Variants in SHC3 observed in about 807,000 individuals in gnomAD.
SHC3 encodes the protein SHC-transforming protein 3.
In SHC3, 15 loss-of-function variants were observed where a neutral mutation model predicts 60.4. That is an observed-to-expected ratio of 0.25 (90% confidence interval 0.17 to 0.38). The LOEUF (loss-of-function observed/expected upper bound fraction) is 0.38, where lower values mean the gene tolerates loss of function less well. Among genes scored for constraint, SHC3 ranks in the 10% least tolerant of loss-of-function variants. The pLI, the probability that SHC3 is intolerant of heterozygous loss-of-function variation, is 1.00. For missense variants in SHC3, 677 were observed against 786.1 expected (o/e 0.86, Z 1.66); for synonymous variants, 294 against 325.9 (o/e 0.90, Z 1.05).
intron 2 of SHC3, chr9:89,110,407 A>G (rs4260958): frequency 0.07 from 69,205 of 984,416 alleles, 2,681 homozygotes; most frequent in Admixed American, 0.11. Context: ...TTCCCTATAA[A>G]CTTCCAAGAA....
chr9:89,172,941 G>T (rs1826891240), intron 1 of SHC3, among the ~76,000 whole-genome samples: 1 of 152,196 alleles, frequency 6.6e-6, no homozygotes, highest in African/African-American at 2.4e-5. Flanking sequence ...TCCAGCAGGT[G>T]TCCATCAGGT....
intron 1 of SHC3, among the ~76,000 whole-genome samples, chr9:89,120,880 T>A (rs951902851): frequency 1.3e-4 from 19 of 151,422 alleles, no homozygotes; most frequent in African/African-American, 4.6e-4. Flanking sequence ...ACATAAAATT[T>A]ATTTAAAACT....
Position 89,052,130 on chromosome 9 carries a change from G to A in SHC3, c.869C>T (p.Ala290Val). Reference sequence around the variant, plus strand: ...TCCGATGGAGCCGATGACATCCTGGGCCAGCCCATCACAGCATTCCAAAAT... The same window carrying A: ...TCCGATGGAGCCGATGACATCCTGGACCAGCCCATCACAGCATTCCAAAAT... ...CHILECCDGL[A>V]QDVIGSIGQA... The change falls in exon 7 of 12, where the codon GCC becomes GTC. Residue 290 changes from alanine (A) to valine (V), a missense_variant. Physicochemically the swap from Ala to Val is moderately conservative, Grantham distance 64. Coordinates refer to ENST00000375835, the MANE Select transcript of SHC3 (RefSeq NM_016848.6). 6.2e-7 allele frequency: 1 copy of A among 1,614,048 alleles called. No homozygotes were observed. Among genetic ancestry groups the A allele is most frequent in the Non-Finnish European group, 8.5e-7 (1 of 1,179,940 alleles).
intron 1 of SHC3, among the ~76,000 whole-genome samples, chr9:89,118,089 T>A (rs991429664): frequency 1.3e-5 from 2 of 152,184 alleles, no homozygotes; most frequent in African/African-American, 4.8e-5. Context: ...CAAAAATGAT[T>A]TAGATTCTGA....
At chr9:89,104,216 G>C (rs1022839048) in intron 2 of SHC3, among the ~76,000 whole-genome samples, 1 of 152,028 alleles carries the variant, frequency 6.6e-6, no homozygotes, top group Non-Finnish European at 1.5e-5. Flanking sequence ...TGGTTTCATA[G>C]ATGGTAGCTG....
intron 1 of SHC3, among the ~76,000 whole-genome samples, chr9:89,152,907 T>C (rs756715666): frequency 2.0e-5 from 3 of 152,210 alleles, no homozygotes; most frequent in Non-Finnish European, 2.9e-5. Context: ...ATTATTAGTA[T>C]TGTTTAATTT....
chr9:89,037,911 A>T (rs1354915191), intron 11 of SHC3, 82 bp downstream of exon 11: 21 of 1,515,362 alleles, frequency 1.4e-5, no homozygotes, highest in Non-Finnish European at 3.5e-6. Flanking sequence ...GGGAATGTGG[A>T]GGGCATTTGA....
intron 6 of SHC3, among the ~76,000 whole-genome samples, chr9:89,060,999 TC>T (rs1825080399): frequency 6.6e-6 from 1 of 152,100 alleles, no homozygotes; most frequent in African/African-American, 2.4e-5. Context: ...CCTGTGAGAC[TC>T]CCAAGTGGAG....
chr9:89,176,708 T>A (rs1188250228), intron 1 of SHC3, among the ~76,000 whole-genome samples: 1 of 152,206 alleles, frequency 6.6e-6, no homozygotes, highest in African/African-American at 2.4e-5. Context: ...TCTATACCCC[T>A]TTGGTAAAAT....
chr9:89,177,650 G>C (rs1826961352), intron 1 of SHC3, among the ~76,000 whole-genome samples: 4 of 152,328 alleles, frequency 2.6e-5, no homozygotes, highest in Admixed American at 2.0e-4. Flanking sequence ...AGGCAGGCCG[G>C]ACCCCCGCTG....
chr9:89,055,836 G>T (rs1448643965), intron 6 of SHC3, among the ~76,000 whole-genome samples: 1 of 152,182 alleles, frequency 6.6e-6, no homozygotes, highest in African/African-American at 2.4e-5. Context: ...CTACCACAAA[G>T]AACTTTCCAA....
chr9:89,048,445 T>A (rs1824809078), intron 7 of SHC3, among the ~76,000 whole-genome samples: 1 of 152,172 alleles, frequency 6.6e-6, no homozygotes, highest in Admixed American at 6.5e-5. Flanking sequence ...TCCATTTATA[T>A]GAAATGTCCA....
At chr9:89,063,360 C>T (rs1825123660) in intron 6 of SHC3, among the ~76,000 whole-genome samples, 1 of 152,204 alleles carries the variant, frequency 6.6e-6, no homozygotes, top group Non-Finnish European at 1.5e-5. Flanking sequence ...GGTCTTCTGA[C>T]CTCATGATCT....
chr9:89,081,388 G>A (rs937497363), intron 2 of SHC3, among the ~76,000 whole-genome samples: 2 of 152,104 alleles, frequency 1.3e-5, no homozygotes, highest in African/African-American at 2.4e-5. Context: ...TATTTTCATA[G>A]CCAAATATTG....
intron 1 of SHC3, among the ~76,000 whole-genome samples, chr9:89,167,217 T>C (rs1053138939): frequency 6.6e-6 from 1 of 152,326 alleles, no homozygotes; most frequent in Non-Finnish European, 1.5e-5. Flanking sequence ...TCTTATTTTC[T>C]CCTCTCACCT....
At chr9:89,147,146 T>C (rs1217617052) in intron 1 of SHC3, among the ~76,000 whole-genome samples, 1 of 141,988 alleles carries the variant, frequency 7.0e-6, no homozygotes, top group African/African-American at 2.7e-5. Flanking sequence ...TGCAACAGCC[T>C]TTCTGTAACT....
chr9:89,134,035 G>A (rs774243368), intron 1 of SHC3, among the ~76,000 whole-genome samples: 19 of 152,236 alleles, frequency 1.2e-4, no homozygotes, highest in Middle Eastern at 6.8e-3. Context: ...TCTGTCTGGT[G>A]TCCTAGGCTC....
At chr9:89,113,572 C>A (rs1323622680) in intron 1 of SHC3, among the ~76,000 whole-genome samples, 2 of 152,150 alleles carry the variant, frequency 1.3e-5, no homozygotes, top group African/African-American at 2.4e-5. Context: ...CTTCTTATAA[C>A]TTTAAATTTA....
intron 1 of SHC3, among the ~76,000 whole-genome samples, chr9:89,153,693 A>C (rs1487239658): frequency 6.6e-6 from 1 of 152,262 alleles, no homozygotes; most frequent in Non-Finnish European, 1.5e-5. Context: ...CACCTTCAGC[A>C]GAACAAATTT....
Sources: allele counts gnomAD v4.1 joint callset (sites outside exome capture counted in the v4.1 genomes callset), GRCh38; gene constraint gnomAD v4.1.1; transcripts MANE v1.5; gene names NCBI Gene and HGNC (gene_info 2026-07-23, HGNC 2026-07-21).